Variants in CFAP144 observed in about 807,000 individuals in gnomAD.
CFAP144 encodes cilia- and flagella-associated protein 144.
chr1:43,152,418 C>T, the CFAP144 span, among the ~76,000 whole-genome samples: 1 of 152,174 alleles, frequency 6.6e-6, no homozygotes, highest in African/African-American at 2.4e-5. Flanking sequence ...CCAGAGAGGC[C>T]TTCTCTCGCC....
the CFAP144 span, among the ~76,000 whole-genome samples, chr1:43,154,550 T>C: frequency 6.6e-6 from 1 of 151,654 alleles, no homozygotes; most frequent in South Asian, 2.1e-4. Flanking sequence ...GGTAACATCG[T>C]GAATAAGAGA....
the CFAP144 span, among the ~76,000 whole-genome samples, chr1:43,147,141 G>C: frequency 6.6e-6 from 1 of 152,166 alleles, no homozygotes; most frequent in African/African-American, 2.4e-5. Context: ...CACCGTGCTC[G>C]GCGATTCTTT....
chr1:43,148,104 G>T, the CFAP144 span: 9 of 1,611,158 alleles, frequency 5.6e-6, no homozygotes, highest in African/African-American at 1.3e-5. Flanking sequence ...ACGGCGGGGT[G>T]GGGGAAGGGC....
At chr1:43,153,111 C>T in the CFAP144 span, 1 of 669,258 alleles carries the variant, frequency 1.5e-6, no homozygotes, top group Non-Finnish European at 2.4e-6. Flanking sequence ...GGAGCTAATA[C>T]AGTACCTATC....
At chr1:43,146,876 C>T in the CFAP144 span, among the ~76,000 whole-genome samples, 5 of 152,174 alleles carry the variant, frequency 3.3e-5, no homozygotes, top group Non-Finnish European at 7.3e-5. Flanking sequence ...GAAGGAGTCT[C>T]GCTCTGTCCC....
the CFAP144 span, among the ~76,000 whole-genome samples, chr1:43,151,517 G>A: frequency 3.3e-4 from 50 of 152,302 alleles, no homozygotes; most frequent in Admixed American, 2.8e-3. Flanking sequence ...TGGAGGAGGC[G>A]ACCACAGGGT....
chr1:43,155,487 A>C, the CFAP144 span, among the ~76,000 whole-genome samples: 7 of 152,252 alleles, frequency 4.6e-5, no homozygotes, highest in African/African-American at 1.7e-4. Flanking sequence ...GGAGTTGCAG[A>C]GGGTCTGCAA....
chr1:43,154,340 T>C, the CFAP144 span, among the ~76,000 whole-genome samples: 1 of 146,330 alleles, frequency 6.8e-6, no homozygotes, highest in Non-Finnish European at 1.5e-5. Context: ...ATATCCCCTC[T>C]TTTTATATAT....
the CFAP144 span, chr1:43,156,231 G>A: frequency 6.2e-7 from 1 of 1,613,994 alleles, no homozygotes; most frequent in African/African-American, 1.3e-5. Context: ...CATGACCGCA[G>A]GCTGAATCAC....
the CFAP144 span, among the ~76,000 whole-genome samples, chr1:43,145,849 A>C: frequency 6.6e-6 from 1 of 152,240 alleles, no homozygotes; most frequent in Non-Finnish European, 1.5e-5. Flanking sequence ...AAATTATGGT[A>C]ATTAAGATAG....
At chr1:43,154,062 G>GTATATATATA in the CFAP144 span, among the ~76,000 whole-genome samples, 55 of 83,656 alleles carry the variant, frequency 6.6e-4, 1 homozygote, top group Non-Finnish European at 9.3e-4. Context: ...ATATGTGTGT[G>GTATATATATA]TATATATATA....
chr1:43,144,298 C>T, the CFAP144 span, among the ~76,000 whole-genome samples: 2 of 152,158 alleles, frequency 1.3e-5, no homozygotes, highest in Non-Finnish European at 2.9e-5. Context: ...GGGACCTGCT[C>T]ACTAGACCAA....
the CFAP144 span, among the ~76,000 whole-genome samples, chr1:43,144,334 A>G: frequency 1.3e-5 from 2 of 152,266 alleles, no homozygotes; most frequent in Admixed American, 1.3e-4. Flanking sequence ...ACATTTCATA[A>G]TGGGCATTCA....
the CFAP144 span, chr1:43,156,167 C>T: frequency 2.0e-5 from 32 of 1,584,840 alleles, no homozygotes; most frequent in South Asian, 1.1e-4. Context: ...CTCCTGCATC[C>T]TCACAGGCTT....
chr1:43,151,481 G>A, the CFAP144 span, among the ~76,000 whole-genome samples: 3 of 152,216 alleles, frequency 2.0e-5, no homozygotes, highest in African/African-American at 7.2e-5. Flanking sequence ...GCCCCCATCA[G>A]GCAGTGGAGT....
the CFAP144 span, among the ~76,000 whole-genome samples, chr1:43,153,216 G>A: frequency 3.3e-5 from 5 of 152,252 alleles, no homozygotes; most frequent in African/African-American, 4.8e-5. Flanking sequence ...TTAAATAAAG[G>A]TACTGACAAC....
the CFAP144 span, among the ~76,000 whole-genome samples, chr1:43,146,662 A>T: frequency 6.6e-6 from 1 of 152,230 alleles, no homozygotes; most frequent in Non-Finnish European, 1.5e-5. Flanking sequence ...CAATCCAATT[A>T]AAAATTTTGT....
At chr1:43,148,020 G>C in the CFAP144 span, 4 of 1,614,028 alleles carry the variant, frequency 2.5e-6, no homozygotes, top group Admixed American at 1.7e-5. Flanking sequence ...TGCGGGAACT[G>C]TACCTCAAGG....
chr1:43,148,078 C>A, the CFAP144 span: 1 of 1,612,714 alleles, frequency 6.2e-7, no homozygotes, highest in Non-Finnish European at 8.5e-7. Context: ...GAATCCCCTC[C>A]GCAAGAGTGA....
Sources: allele counts gnomAD v4.1 joint callset (sites outside exome capture counted in the v4.1 genomes callset), GRCh38; gene constraint gnomAD v4.1.1; transcripts MANE v1.5; gene names NCBI Gene and HGNC (gene_info 2026-07-23, HGNC 2026-07-21).